LRRTM4: variants seen among roughly 807,000 people sequenced by gnomAD.
LRRTM4 encodes the protein leucine-rich repeat transmembrane neuronal protein 4.
LRRTM4 carries 25 observed loss-of-function variants against 47.6 expected under a neutral mutation model. The observed-to-expected ratio is 0.53, with a 90% CI of 0.38 to 0.73. The LOEUF is 0.73. Among genes scored for constraint, LRRTM4 ranks in the 30% least tolerant of loss-of-function variants. LRRTM4 has a pLI of 0.00. For missense variants in LRRTM4, 638 were observed against 713.4 expected, an observed-to-expected ratio of 0.89 and a Z score of 1.20; for synonymous variants, 311 against 269.5, an observed-to-expected ratio of 1.15 and a Z score of -1.51.
chr2:77,222,934 T>A (rs1204546861), intron 3 of LRRTM4, among the ~76,000 whole-genome samples: 1 of 152,158 alleles, frequency 6.6e-6, no homozygotes, highest in Admixed American at 6.5e-5. Context: ...ATATCCCTGA[T>A]GAACATTGAT....
intron 3 of LRRTM4, among the ~76,000 whole-genome samples, chr2:77,024,764 T>C (rs1344106657): frequency 1.4e-4 from 21 of 152,150 alleles, no homozygotes; most frequent in Admixed American, 1.4e-3. Flanking sequence ...AATATGCTTG[T>C]AAAAGTATAT....
intron 3 of LRRTM4, among the ~76,000 whole-genome samples, chr2:77,454,998 G>A (rs1182423416): frequency 6.6e-6 from 1 of 152,072 alleles, no homozygotes; most frequent in South Asian, 2.1e-4. Context: ...GACCAGCCTG[G>A]CCAACATGGT....
intron 3 of LRRTM4, chr2:77,518,038 C>A: frequency 8.6e-7 from 1 of 1,158,988 alleles, no homozygotes; most frequent in Non-Finnish European, 1.1e-6. Flanking sequence ...AAGTCCAACC[C>A]CTGTATACAA....
intron 3 of LRRTM4, among the ~76,000 whole-genome samples, chr2:76,975,838 C>T (rs1010811753): frequency 6.6e-6 from 1 of 151,484 alleles, no homozygotes; most frequent in African/African-American, 2.4e-5. Context: ...TATTTTGTAA[C>T]TAATCAAATA....
At chr2:76,937,269 G>C (rs1272163395) in intron 3 of LRRTM4, among the ~76,000 whole-genome samples, 1 of 152,064 alleles carries the variant, frequency 6.6e-6, no homozygotes, top group Admixed American at 6.6e-5. Flanking sequence ...TATTTATGAA[G>C]TTTATTAACT....
At chr2:77,318,694 A>T (rs545052916) in intron 3 of LRRTM4, among the ~76,000 whole-genome samples, 1 of 152,332 alleles carries the variant, frequency 6.6e-6, no homozygotes, top group African/African-American at 2.4e-5. Flanking sequence ...TGCATACAAA[A>T]GTGATCATTA....
intron 3 of LRRTM4, among the ~76,000 whole-genome samples, chr2:77,502,821 G>A (rs1678623218): frequency 6.6e-6 from 1 of 151,592 alleles, no homozygotes; most frequent in African/African-American, 2.4e-5. Flanking sequence ...AAGGATTTCT[G>A]CAACGGCTTC....
intron 3 of LRRTM4, among the ~76,000 whole-genome samples, chr2:76,758,491 G>A (rs569188264): frequency 2.6e-5 from 4 of 152,066 alleles, no homozygotes; most frequent in African/African-American, 9.7e-5. Flanking sequence ...TTGGAAGACT[G>A]GCTGGTCTTC....
At chr2:77,400,047 C>G (rs1272028721) in intron 3 of LRRTM4, among the ~76,000 whole-genome samples, 2 of 151,884 alleles carry the variant, frequency 1.3e-5, no homozygotes, top group Middle Eastern at 3.4e-3. Context: ...ATAATGCCAT[C>G]TGACGCTCCC....
intron 3 of LRRTM4, among the ~76,000 whole-genome samples, chr2:77,303,774 C>A (rs1017719328): frequency 1.3e-5 from 2 of 152,186 alleles, no homozygotes; most frequent in Non-Finnish European, 2.9e-5. Context: ...CATGTTGTCA[C>A]AAATGACATG....
intron 3 of LRRTM4, among the ~76,000 whole-genome samples, chr2:77,040,869 T>C (rs1295108445): frequency 1.3e-5 from 2 of 151,576 alleles, no homozygotes; most frequent in African/African-American, 4.8e-5. Context: ...GTATACATTG[T>C]GTAATTATCA....
rs542109399 is a variant in LRRTM4, at chr2:77,086,638, T to A, written c.1552-337722A>T. On this transcript the variant is annotated intron_variant, in intron 3 of 3. Transcript: ENST00000409884. ...ATTACAGGCAGCCCAGCACCATGCC[T>A]GACTTTCGTTTGTTTGTTTATTTGT... is the stretch of plus-strand genomic sequence containing the variant. Among the ~76,000 whole-genome samples the A allele has an allele frequency of 9.9e-5, 15 of 151,742 alleles. No homozygotes were observed. The South Asian group carries it at 3.1e-3, about 31-fold the overall frequency.
intron 3 of LRRTM4, among the ~76,000 whole-genome samples, chr2:77,417,847 C>A (rs866777248): frequency 6.6e-5 from 10 of 152,112 alleles, no homozygotes; most frequent in African/African-American, 2.2e-4. Context: ...ACCAACATGG[C>A]ACATGTATAC....
At chr2:76,863,268 T>C (rs1249026987) in intron 3 of LRRTM4, among the ~76,000 whole-genome samples, 1 of 152,188 alleles carries the variant, frequency 6.6e-6, no homozygotes, top group Non-Finnish European at 1.5e-5. Flanking sequence ...TATGACTGTT[T>C]TGAAATTTGC....
intron 3 of LRRTM4, among the ~76,000 whole-genome samples, chr2:76,884,775 T>A (rs1181111379): frequency 1.3e-5 from 2 of 151,558 alleles, no homozygotes; most frequent in East Asian, 3.9e-4. Context: ...CTTCTACTTC[T>A]TAACGTCTGT....
intron 3 of LRRTM4, among the ~76,000 whole-genome samples, chr2:77,490,085 A>C (rs4853314): frequency 0.073 from 11,093 of 152,092 alleles, 1,080 homozygotes; most frequent in East Asian, 0.54. Flanking sequence ...CCCCATCTCT[A>C]CTAAAAATAC....
chr2:77,335,958 T>C (rs1202464375), intron 3 of LRRTM4, among the ~76,000 whole-genome samples: 1 of 152,008 alleles, frequency 6.6e-6, no homozygotes, highest in Non-Finnish European at 1.5e-5. Context: ...CTGTACACAA[T>C]ACAAAAATGA....
At chr2:77,115,214 A>T (rs945030164) in intron 3 of LRRTM4, among the ~76,000 whole-genome samples, 2 of 152,190 alleles carry the variant, frequency 1.3e-5, no homozygotes, top group African/African-American at 4.8e-5. Context: ...TCCCTGCAAG[A>T]AGAAAAATAT....
chr2:77,054,180 C>T (rs563322087), intron 3 of LRRTM4, among the ~76,000 whole-genome samples: 23 of 152,240 alleles, frequency 1.5e-4, no homozygotes, highest in African/African-American at 4.1e-4. Context: ...GCCAGAGAGA[C>T]GGTGCCTTGG....
Sources: gnomAD v4.1 joint callset for allele counts (sites outside exome capture counted in the v4.1 genomes callset) on GRCh38, gnomAD v4.1.1 for gene constraint, MANE v1.5 for transcripts, NCBI Gene and HGNC (gene_info 2026-07-23, HGNC 2026-07-21) for gene names.